Variants in RPS27A observed in about 807,000 individuals in gnomAD.
RPS27A encodes ubiquitin-ribosomal protein eS31 fusion protein.
RPS27A carries 1 observed loss-of-function variant against 18.9 expected under a neutral mutation model. That is an observed-to-expected ratio of 0.05 (90% CI 0.02 to 0.25). The LOEUF is 0.25. Among genes scored for constraint, RPS27A ranks in the 10% least tolerant of loss-of-function variants. The pLI is 1.00. For missense variants in RPS27A, 123 were observed against 187.4 expected (o/e 0.66, Z 2.01); for synonymous variants, 77 against 63.7 (o/e 1.21, Z -0.99).
At chr2:55,233,564 G>A (rs1675614598) in intron 3 of RPS27A, 147 bp downstream of exon 3, 1 of 694,070 alleles carries the variant, frequency 1.4e-6, no homozygotes, top group Non-Finnish European at 2.6e-6. Context: ...AGACATTGGT[G>A]ATCGGGGAGC....
intron 1 of RPS27A, 30 bp from the exon 2 acceptor site, chr2:55,232,778 A>T: frequency 6.4e-7 from 1 of 1,571,436 alleles, no homozygotes; most frequent in Non-Finnish European, 8.7e-7. Flanking sequence ...TCCCTGACCT[A>T]ACCTGTCTCT....
In RPS27A at chr2:55,235,698, T is replaced by TAAA; in HGVS notation, c.*122_*123insAAA. On this transcript the variant is annotated 3_prime_UTR_variant, in exon 6 of 6. Coordinates refer to ENST00000272317, the MANE Select transcript of RPS27A (RefSeq NM_002954.6). ...CATTTCCTTTTAGTAGTGCTACTGC[T>TAAA]ATCGCTGTGTGAATGTTGCCTCTGG... 1.8e-6 allele frequency: 2 copies of TAAA among 1,139,994 alleles called. No homozygotes were observed. Among genetic ancestry groups the TAAA allele is most frequent in the Non-Finnish European group, 2.6e-6 (2 of 774,170 alleles). The allele number at this position is 1,139,994 out of a possible 1,614,324, so 70.6% of individuals were successfully genotyped here.
In RPS27A at chr2:55,235,387, G is replaced by A. The variant is rs72918923; in HGVS notation, c.322-41G>A. 4.8e-3 allele frequency: 7,678 copies of A among 1,607,012 alleles called. 334 individuals are homozygous for A. The African/African-American group carries it at 0.092, about 19-fold the overall frequency. On this transcript the variant is annotated intron_variant, in intron 5 of 5. Coordinates refer to ENST00000272317, the MANE Select transcript of RPS27A (RefSeq NM_002954.6). The stretch of plus-strand genomic sequence containing the variant: ...AGTCACTTAAATTAGACTTCAGAAT[G>A]TGTTGTAAAATTATCTTAACAGCAG...
At position 55,232,691 on chromosome 2, in the gene RPS27A, T is replaced by TA. The variant is rs2104208473; in HGVS notation, c.-35_-34insA. On this transcript the variant is annotated 5_prime_UTR_variant, in exon 1 of 6. Coordinates refer to ENST00000272317, the MANE Select transcript of RPS27A (RefSeq NM_002954.6). ...GTGGGCCTGCGCGGCGTTCTTCCTTTTCGATCCGCCATCTGCGGTGGGTGT... is the reference window on the plus strand; with the variant it reads ...GTGGGCCTGCGCGGCGTTCTTCCTTTATCGATCCGCCATCTGCGGTGGGTGT... 4 of 834,794 alleles carry TA rather than the reference T, an allele frequency of 4.8e-6. No homozygotes were observed. The South Asian group carries it at 5.8e-5, about 12-fold the overall frequency. The allele number at this position is 834,794 out of a possible 1,614,324, so 51.7% of individuals were successfully genotyped here.
intron 2 of RPS27A, chr2:55,233,160 C>T: frequency 1.5e-6 from 1 of 652,680 alleles, no homozygotes. Context: ...TGTGGCCCTG[C>T]GGCCGCCGCC....
rs765215187 is a variant in RPS27A at position 55,233,379 on chromosome 2, C to T, written c.65C>T (p.Thr22Met). The change falls in exon 3 of 6, where the codon ACG (threonine) becomes ATG (methionine). Residue 22 changes from threonine (T) to methionine (M), a missense_variant. Physicochemically the swap from Thr to Met is moderately conservative, Grantham distance 81 (BLOSUM62 -1). Transcript: ENST00000272317. The stretch of plus-strand genomic sequence containing the variant: ...CACTCATAGGTTGAACCCTCGGATA[C>T]GATAGAAAATGTAAAGGCCAAGATC... ...TITLEVEPSD[T>M]IENVKAKIQD... The T allele has an allele frequency of 1.2e-6, 2 of 1,613,000 alleles. No individual in the cohort carries two copies. Among genetic ancestry groups the T allele is most frequent in the Admixed American group, 1.7e-5 (1 of 60,006 alleles).
intron 3 of RPS27A, chr2:55,233,769 C>T: frequency 2.1e-6 from 1 of 469,542 alleles, no homozygotes; most frequent in Non-Finnish European, 3.9e-6. Flanking sequence ...GTGGGGATTA[C>T]AGGCGTGCAC....
chr2:55,232,629 A>AG (rs1675521494), upstream of RPS27A: 3 of 660,550 alleles, frequency 4.5e-6, no homozygotes, highest in Non-Finnish European at 8.3e-6. Flanking sequence ...TGGTCGCCTA[A>AG]GGGGTGGGTC....
chr2:55,233,902 T>C (rs1675648395), intron 3 of RPS27A: 2 of 610,986 alleles, frequency 3.3e-6, no homozygotes, highest in Non-Finnish European at 5.9e-6. Context: ...AGTATTGGTA[T>C]TACAGGTGTC....
intron 1 of RPS27A, 25 bp from the exon 2 acceptor site, chr2:55,232,783 G>A (rs771210460): frequency 1.3e-6 from 2 of 1,588,212 alleles, no homozygotes; most frequent in East Asian, 4.5e-5. Flanking sequence ...GACCTAACCT[G>A]TCTCTTCCTT....
intron 5 of RPS27A, 79 bp from the exon 6 acceptor site, chr2:55,235,349 C>A: frequency 6.6e-7 from 1 of 1,520,450 alleles, no homozygotes; most frequent in Non-Finnish European, 9.1e-7. Flanking sequence ...CAGTTAAAAG[C>A]TTAAATATTT....
chr2:55,235,761 T>C lies in RPS27A; in HGVS notation c.*184T>C. 2 of 660,334 alleles carry C rather than the reference T, an allele frequency of 3.0e-6. No homozygotes were observed. Among genetic ancestry groups the C allele is most frequent in the South Asian group, 3.6e-5 (2 of 55,992 alleles). 40.9% of individuals were successfully genotyped at this position (660,334 alleles called of 1,614,324 possible). A position where few individuals can be genotyped will look rare whatever the true frequency, so the allele number is the denominator to read the frequency against. On this transcript the variant is annotated 3_prime_UTR_variant, in exon 6 of 6. Transcript: ENST00000272317. The stretch of plus-strand genomic sequence containing the variant: ...CCAGTGGTTCTGTATACCTGCCAGG[T>C]GCCAACCACTTGTAAAGGTCTTGAT...
upstream of RPS27A, chr2:55,232,478 T>G: frequency 2.6e-6 from 1 of 383,308 alleles, no homozygotes; most frequent in East Asian, 5.7e-5. Context: ...ATCTTTTACG[T>G]TGCTTAAACC....
Sources: allele counts gnomAD v4.1 joint callset, GRCh38; gene constraint gnomAD v4.1.1; transcripts MANE v1.5; gene names NCBI Gene and HGNC (gene_info 2026-07-23, HGNC 2026-07-21).